Variants in B4GALNT3 observed in about 807,000 individuals in gnomAD.
B4GALNT3 encodes beta-1,4-N-acetylgalactosaminyltransferase 3.
Under a neutral mutation model 120.2 loss-of-function variants are expected in B4GALNT3, and 86 were observed. That is an observed-to-expected ratio of 0.72 (90% CI 0.60 to 0.86). The LOEUF is 0.86. B4GALNT3 is among the 40% of genes least tolerant of loss of function. The pLI, the probability that B4GALNT3 is intolerant of heterozygous loss-of-function variation, is 0.00. For missense variants in B4GALNT3, 1,167 were observed against 1,298.9 expected (o/e 0.90, Z 1.56); for synonymous variants, 518 against 510.4 (o/e 1.01, Z -0.20).
chr12:460,576 C>T lies in B4GALNT3; in HGVS notation c.169+31C>T. ...TAGCACCCAGGGGAGGCGAAGGGCGCGGGGGTGGGCGGCGGCGGCGGCTCC... is the reference window on the plus strand; with the variant it reads ...TAGCACCCAGGGGAGGCGAAGGGCGTGGGGGTGGGCGGCGGCGGCGGCTCC... On this transcript the variant is annotated intron_variant, in intron 1 of 19. Coordinates refer to ENST00000266383, the MANE Select transcript of B4GALNT3 (RefSeq NM_173593.4). This position sits in a 1 kb window ranked among gnomAD's most constrained non-coding sequence, Gnocchi z 8.0. 1 of 1,349,164 alleles carries T rather than the reference C, an allele frequency of 7.4e-7. No individual in the cohort carries two copies. The highest frequency in any genetic ancestry group is 9.6e-7 in the Non-Finnish European group (1 of 1,039,166). The allele number at this position is 1,349,164 out of a possible 1,614,324, so 83.6% of individuals were successfully genotyped here.
rs555959441 is a variant in B4GALNT3, at chr12:523,140, T to C, written c.170-12026T>C. ...GAGTGTCCACAGGGTGCTGGGGCAG[T>C]CTTCAGCTGGTTGTTAATTTATCAA... is the stretch of plus-strand genomic sequence containing the variant. On this transcript the variant is annotated intron_variant, in intron 1 of 19. Coordinates refer to ENST00000266383, the MANE Select transcript of B4GALNT3 (RefSeq NM_173593.4). 1.7e-4 allele frequency among the ~76,000 whole-genome samples: 26 copies of C among 152,236 alleles called. No individual in the cohort carries two copies. The South Asian group carries it at 5.2e-3, about 30-fold the overall frequency.
At chr12:493,770 G>T (rs1946365367) in intron 1 of B4GALNT3, among the ~76,000 whole-genome samples, 1 of 152,024 alleles carries the variant, frequency 6.6e-6, no homozygotes, top group Admixed American at 6.6e-5. Flanking sequence ...AACATGAATT[G>T]TGCAGATTTG....
At chr12:477,761 A>T (rs1476353913) in intron 1 of B4GALNT3, among the ~76,000 whole-genome samples, 1 of 152,192 alleles carries the variant, frequency 6.6e-6, no homozygotes, top group Non-Finnish European at 1.5e-5. Context: ...TATTTAAAAC[A>T]TTGCTGTCTT....
intron 2 of B4GALNT3, 134 bp from the exon 3 acceptor site, chr12:536,084 G>A: frequency 1.5e-6 from 1 of 683,880 alleles, no homozygotes; most frequent in South Asian, 1.7e-5. Flanking sequence ...TGTATTCCCA[G>A]GACATGGTGT....
Position 550,629 on chromosome 12 carries a change from G to A in B4GALNT3, c.998-293G>A, listed in dbSNP as rs1257013953. On this transcript the variant is annotated intron_variant, in intron 10 of 19. Transcript: ENST00000266383. The surrounding 1 kb of genome is among the most constrained non-coding windows in gnomAD (Gnocchi z 4.1). ...TACTGTACGAGGGAGGGGACCTTCTGGCCTCTTAGAAGTTTCTAGACCTTA... is the reference window on the plus strand; with the variant it reads ...TACTGTACGAGGGAGGGGACCTTCTAGCCTCTTAGAAGTTTCTAGACCTTA... Among the ~76,000 whole-genome samples the A allele has an allele frequency of 2.6e-5, 4 of 152,316 alleles. No homozygotes were observed. Among genetic ancestry groups the A allele is most frequent in the South Asian group, 2.1e-4 (1 of 4,814 alleles).
chr12:558,304 G>T (rs1947183681), intron 17 of B4GALNT3, among the ~76,000 whole-genome samples: 1 of 152,200 alleles, frequency 6.6e-6, no homozygotes, highest in Non-Finnish European at 1.5e-5. Flanking sequence ...AGCCTATAAA[G>T]AGTGGGGAGG....
intron 6 of B4GALNT3, 29 bp from the exon 7 acceptor site, chr12:546,617 C>G (rs1215645312): frequency 6.5e-7 from 1 of 1,545,634 alleles, no homozygotes; most frequent in East Asian, 2.4e-5. Flanking sequence ...CTCTGTTCCT[C>G]CCTCCTCTTC....
At chr12:496,993 G>A (rs956485527) in intron 1 of B4GALNT3, among the ~76,000 whole-genome samples, 1 of 151,652 alleles carries the variant, frequency 6.6e-6, no homozygotes, top group Non-Finnish European at 1.5e-5. Flanking sequence ...CTCCCACTCA[G>A]CTTCCTTCAC....
intron 14 of B4GALNT3, chr12:555,397 G>A (rs561801258): frequency 1.2e-4 from 56 of 456,564 alleles, no homozygotes; most frequent in South Asian, 6.7e-4. Flanking sequence ...AGTTTCATTC[G>A]TGTTGTAGAA....
chr12:556,377 G>A (rs769524965), intron 14 of B4GALNT3, among the ~76,000 whole-genome samples, 170 bp from the exon 15 acceptor site: 24 of 152,168 alleles, frequency 1.6e-4, no homozygotes, highest in African/African-American at 5.1e-4. Flanking sequence ...GGGAGGCAGC[G>A]AACCCTAGAG....
intron 1 of B4GALNT3, among the ~76,000 whole-genome samples, chr12:512,238 A>T (rs1946586442): frequency 2.0e-5 from 1 of 48,838 alleles, no homozygotes. Flanking sequence ...TCCACCTTCC[A>T]CCTTCCACCT....
At chr12:512,402 GACCTTCC>G (rs879867862) in intron 1 of B4GALNT3, among the ~76,000 whole-genome samples, 5 of 43,570 alleles carry the variant, frequency 1.1e-4, no homozygotes, top group East Asian at 8.5e-4. Context: ...TTCCACCTTT[GACCTTCC>G]ACCTTCCGCC....
At chr12:526,248 T>A (rs983045992) in intron 1 of B4GALNT3, among the ~76,000 whole-genome samples, 4 of 152,198 alleles carry the variant, frequency 2.6e-5, no homozygotes, top group African/African-American at 9.7e-5. Context: ...AAATGCCTGC[T>A]GATGGTTGGT....
At position 553,945 on chromosome 12, in the gene B4GALNT3, G is replaced by A. The variant is rs139592180; in HGVS notation, c.2022G>A (p.Thr674=). 82 of 1,613,792 alleles carry A rather than the reference G, an allele frequency of 5.1e-5. No individual in the cohort carries two copies. In the African/African-American group the frequency reaches 8.0e-4, roughly 16 times the overall value. ...LLPEQEALEV[T]RVFLKKLNQR... ...CAGAGCAGGAAGCTCTGGAGGTCAC[G>A]CGAGTCTTCTTGAAGAAGCTCAACC... is the stretch of plus-strand genomic sequence containing the variant. The change falls in exon 14 of 20, where the codon ACG becomes ACA. Residue 674 remains threonine, a synonymous_variant. Coordinates refer to ENST00000266383, the MANE Select transcript of B4GALNT3 (RefSeq NM_173593.4).
intron 3 of B4GALNT3, among the ~76,000 whole-genome samples, chr12:541,814 T>C (rs1592049488): frequency 8.2e-5 from 11 of 134,398 alleles, no homozygotes; most frequent in South Asian, 2.5e-4. Context: ...CCCTCGGCCC[T>C]CCTCTCCCTG....
At chr12:495,924 A>G (rs1434979714) in intron 1 of B4GALNT3, among the ~76,000 whole-genome samples, 1 of 152,212 alleles carries the variant, frequency 6.6e-6, no homozygotes, top group East Asian at 1.9e-4. Flanking sequence ...TACATGTATT[A>G]AACTTTATTG....
chr12:494,740 C>A (rs1295297889), intron 1 of B4GALNT3, among the ~76,000 whole-genome samples: 2 of 151,948 alleles, frequency 1.3e-5, no homozygotes, highest in Non-Finnish European at 2.9e-5. Context: ...TCAATGCACA[C>A]CAAAAACTGG....
At chr12:536,190 C>T in intron 2 of B4GALNT3, 28 bp from the exon 3 acceptor site, 1 of 1,589,994 alleles carries the variant, frequency 6.3e-7, no homozygotes, top group Admixed American at 1.7e-5. Context: ...AATATTCCTA[C>T]CAACTTCGTT....
intron 1 of B4GALNT3, among the ~76,000 whole-genome samples, chr12:468,210 T>C (rs184458075): frequency 2.0e-5 from 3 of 152,106 alleles, no homozygotes; most frequent in East Asian, 1.9e-4. Context: ...AACAATCACC[T>C]AAAATGTCAC....
Sources: gnomAD v4.1 joint callset for allele counts (sites outside exome capture counted in the v4.1 genomes callset) on GRCh38, gnomAD v4.1.1 for gene constraint, Gnocchi (gnomAD v3.1) non-coding constraint, MANE v1.5 for transcripts, NCBI Gene and HGNC (gene_info 2026-07-23, HGNC 2026-07-21) for gene names.